DNAH12: variants seen among roughly 807,000 people sequenced by gnomAD.
DNAH12 encodes the protein dynein axonemal heavy chain 12.
A neutral mutation model predicts 371.5 loss-of-function variants in DNAH12; 285 were observed. The ratio of observed to expected loss-of-function variants is 0.77; its 90% CI spans 0.70 to 0.85. The LOEUF (loss-of-function observed/expected upper bound fraction) is 0.85. Among genes scored for constraint, DNAH12 ranks in the 40% least tolerant of loss-of-function variants. DNAH12 has a pLI of 0.00. For synonymous variants in DNAH12, 1,200 were observed against 1,213.0 expected, an observed-to-expected ratio of 0.99 and a Z score of 0.22; for missense variants, 3,611 against 3,689.4, an observed-to-expected ratio of 0.98 and a Z score of 0.55.
At position 57,472,558 on chromosome 3, in the gene DNAH12, A is replaced by G; in HGVS notation, c.1764T>C (p.Asp588=). Residue 588 remains aspartate, a synonymous_variant, in exon 14 of 74, where the codon GAT becomes GAC. Coordinates refer to ENST00000495027, the MANE Select transcript of DNAH12 (RefSeq NM_001366028.2). The part of the protein sequence containing the change: ...MWPRKINPIF[D]ENDELIENAK... ...AAAATATATTTACCTCATCATTTTCATCAAAGATGGGATTAATTTTCCTAG... is the reference window on the plus strand; with the variant it reads ...AAAATATATTTACCTCATCATTTTCGTCAAAGATGGGATTAATTTTCCTAG... 6.5e-7 allele frequency: 1 copy of G among 1,548,964 alleles called. No individual in the cohort carries two copies.
intron 11 of DNAH12, among the ~76,000 whole-genome samples, chr3:57,490,814 C>T (rs1186552716): frequency 6.6e-6 from 1 of 152,078 alleles, no homozygotes; most frequent in African/African-American, 2.4e-5. Context: ...ATAGGCCAGG[C>T]GTGGTGGCTC....
At position 57,405,849 on chromosome 3, in the gene DNAH12, A is replaced by G. The variant is rs781967427; in HGVS notation, c.6380T>C (p.Ile2127Thr). 3 of 1,551,724 alleles carry G rather than the reference A, an allele frequency of 1.9e-6. No individual in the cohort carries two copies. Among genetic ancestry groups the G allele is most frequent in the Admixed American group, 3.9e-5 (2 of 51,000 alleles). Residue 2127 changes from isoleucine (I) to threonine (T), a missense_variant, in exon 41 of 74, where the codon ATT becomes ACT. Around this residue, in one of 3 missense-constraint regions of DNAH12, gnomAD observed 2,266 missense variants for 2,236.9 expected, o/e 1.01. Transcript: ENST00000495027. Reference sequence around the variant, plus strand: ...TTTGTTCGCCACGGCGTCTCTTTCAATGAGTAAACAGCCCCGGATGACGCG... The same window carrying G: ...TTTGTTCGCCACGGCGTCTCTTTCAGTGAGTAAACAGCCCCGGATGACGCG... ...FSRVIRGCLL[I>T]ERDAVANKHT...
intron 25 of DNAH12, among the ~76,000 whole-genome samples, chr3:57,448,037 A>G (rs2153371416): frequency 6.6e-6 from 1 of 151,858 alleles, no homozygotes; most frequent in East Asian, 1.9e-4. Flanking sequence ...ATTGCTGAAA[A>G]CCTCGGGCTC....
At position 57,452,836 on chromosome 3, in the gene DNAH12, T is replaced by G; in HGVS notation, c.3786+7A>C. The G allele has an allele frequency of 6.5e-7, 1 of 1,531,576 alleles. No homozygotes were observed. The highest frequency in any genetic ancestry group is 8.8e-7 in the Non-Finnish European group (1 of 1,140,770). 94.9% of individuals were successfully genotyped at this position (1,531,576 alleles called of 1,614,324 possible). On this transcript the variant is annotated splice_region_variant and intron_variant, in intron 25 of 73. Transcript: ENST00000495027. ...AATGTGTGAATTAAGATAATTTAAA[T>G]GCATACCAATGTTCTGTAACACCTG... is the stretch of plus-strand genomic sequence containing the variant.
intron 69 of DNAH12, among the ~76,000 whole-genome samples, chr3:57,307,301 C>T (rs1429972092): frequency 1.3e-5 from 2 of 152,092 alleles, no homozygotes; most frequent in Admixed American, 1.3e-4. Flanking sequence ...CCCCATAGAT[C>T]CTAAATCCTT....
In DNAH12 at chr3:57,419,595, CTAT is replaced by C. The variant is rs1281046442; in HGVS notation, c.5563-80_5563-78del. On this transcript the variant is annotated intron_variant, in intron 36 of 73. Coordinates refer to ENST00000495027, the MANE Select transcript of DNAH12 (RefSeq NM_001366028.2). ...TGAAAGGCTCTTTTCAACATGTATA[CTAT>C]TATATTAGCTTTTAAAAACTTAAGT... 16 of 1,082,300 alleles carry C rather than the reference CTAT, an allele frequency of 1.5e-5. No homozygotes were observed. The Admixed American group carries it at 1.7e-4, about 11-fold the overall frequency. 67.0% of individuals were successfully genotyped at this position (1,082,300 alleles called of 1,614,324 possible).
intron 2 of DNAH12, among the ~76,000 whole-genome samples, chr3:57,535,033 A>G (rs2068981715): frequency 6.6e-6 from 1 of 152,192 alleles, no homozygotes; most frequent in Admixed American, 6.5e-5. Context: ...CATTCCTAAA[A>G]CATACACACT....
At chr3:57,348,475 C>T (rs2062596461) in intron 60 of DNAH12, among the ~76,000 whole-genome samples, 1 of 152,078 alleles carries the variant, frequency 6.6e-6, no homozygotes, top group Non-Finnish European at 1.5e-5. Flanking sequence ...AGAGTGAAGC[C>T]TGATGTTACC....
rs1054025379 is a variant in DNAH12 at position 57,305,415 on chromosome 3, T to C, written c.11190-3476A>G. ...GCCTCCGCTCCTCCACCCTATAATCTTTTTATCACCTCCCCTCCTCACACC... is the reference window on the plus strand; with the variant it reads ...GCCTCCGCTCCTCCACCCTATAATCCTTTTATCACCTCCCCTCCTCACACC... On this transcript the variant is annotated intron_variant, in intron 69 of 73. Coordinates refer to ENST00000495027, the MANE Select transcript of DNAH12 (RefSeq NM_001366028.2). Among the ~76,000 whole-genome samples the C allele has an allele frequency of 1.3e-4, 20 of 152,184 alleles. No homozygotes were observed. In the East Asian group the frequency reaches 3.7e-3, roughly 28 times the overall value.
chr3:57,529,895 T>C (rs915977882), intron 2 of DNAH12, among the ~76,000 whole-genome samples: 6 of 152,162 alleles, frequency 3.9e-5, no homozygotes, highest in Non-Finnish European at 5.9e-5. Context: ...CTTTTAGTAC[T>C]GCTTTCACTG....
chr3:57,413,586 A>G (rs1367380022), intron 39 of DNAH12, among the ~76,000 whole-genome samples, 160 bp downstream of exon 39: 1 of 152,160 alleles, frequency 6.6e-6, no homozygotes, highest in Non-Finnish European at 1.5e-5. Context: ...TTAATTTAAA[A>G]TAGTCTTTTC....
rs1453465971 is a variant in DNAH12 at position 57,457,800 on chromosome 3, C to T, written c.3257G>A (p.Gly1086Asp). 1.3e-6 allele frequency: 2 copies of T among 1,551,466 alleles called. No homozygotes were observed. The highest frequency in any genetic ancestry group is 2.4e-5 in the East Asian group (1 of 40,900). Residue 1086 changes from glycine to aspartate, a missense_variant, in exon 22 of 74, where the codon GGT becomes GAT. By Grantham distance (94) the Gly-to-Asp change is moderately conservative. Coordinates refer to ENST00000495027, the MANE Select transcript of DNAH12 (RefSeq NM_001366028.2). ...IALISTSAAR[G>D]AVEKWLIQVE... ...TTGAATGAGCCACTTTTCCACAGCACCCCGCGCTGCAGACGTGGAAATGAG... is the reference window on the plus strand; with the variant it reads ...TTGAATGAGCCACTTTTCCACAGCATCCCGCGCTGCAGACGTGGAAATGAG...
At chr3:57,536,134 C>G (rs2069034600) in intron 2 of DNAH12, 1 of 151,470 alleles carries the variant, frequency 6.6e-6, no homozygotes, top group South Asian at 2.1e-4. Context: ...CACGCCTGGC[C>G]TAAACCTCTA....
chr3:57,390,424 A>AAAAAATAT, intron 45 of DNAH12, among the ~76,000 whole-genome samples: 3 of 33,440 alleles, frequency 9.0e-5, no homozygotes, highest in African/African-American at 1.3e-4. Flanking sequence ...AAAAAAAAAA[A>AAAAAATAT]ATATATATAT....
intron 70 of DNAH12, 113 bp downstream of exon 70, chr3:57,301,622 C>CA: frequency 7.5e-7 from 1 of 1,340,446 alleles, no homozygotes; most frequent in Non-Finnish European, 1.0e-6. Context: ...CCAGTTAACC[C>CA]AAAAAATAAA....
At chr3:57,341,745 A>C (rs895838364) in intron 60 of DNAH12, among the ~76,000 whole-genome samples, 30 of 152,158 alleles carry the variant, frequency 2.0e-4, no homozygotes, top group African/African-American at 6.8e-4. Context: ...TGTTCTTCAC[A>C]GAAATAGAAA....
At position 57,521,063 on chromosome 3, in the gene DNAH12, C is replaced by CAAAAAAA. The variant is rs61570396; in HGVS notation, c.279+2513_279+2519dup. ...TGGGCGACAAAGTGAGACTCTGTCT[C>CAAAAAAA]AAAAAAAAAAAAAAAAAAAAAAAAA... On this transcript the variant is annotated intron_variant, in intron 4 of 73. Transcript: ENST00000495027. Among the ~76,000 whole-genome samples, 15 of 54,476 alleles carry CAAAAAAA rather than the reference C, an allele frequency of 2.8e-4. 2 individuals carry two copies. Among genetic ancestry groups the CAAAAAAA allele is most frequent in the African/African-American group, 1.9e-4 (4 of 21,326 alleles). The allele number at this position is 54,476 out of a possible 152,430, so 35.7% of individuals were successfully genotyped here. A position where few individuals can be genotyped will look rare whatever the true frequency, so the allele number is the denominator to read the frequency against.
rs375630936 is a variant in DNAH12 at position 57,310,660 on chromosome 3, A to G, written c.10896+57T>C. On this transcript the variant is annotated intron_variant, in intron 67 of 73. Transcript: ENST00000495027. ...ATACATTAGAGAAGAACATTTCACC[A>G]TTTGCTGTTAGAAAAATCACACATT... is the stretch of plus-strand genomic sequence containing the variant. 56 of 1,201,652 alleles carry G rather than the reference A, an allele frequency of 4.7e-5. No homozygotes were observed. In the African/African-American group the frequency reaches 7.5e-4, roughly 16 times the overall value. 74.4% of individuals were successfully genotyped at this position (1,201,652 alleles called of 1,614,324 possible).
chr3:57,504,220 C>A lies in DNAH12; in HGVS notation c.898-16G>T. The A allele has an allele frequency of 6.3e-7, 1 of 1,596,730 alleles. No individual in the cohort carries two copies. Among genetic ancestry groups the A allele is most frequent in the South Asian group, 1.1e-5 (1 of 89,180 alleles). On this transcript the variant is annotated splice_polypyrimidine_tract_variant and intron_variant, in intron 8 of 73. Coordinates refer to ENST00000495027, the MANE Select transcript of DNAH12 (RefSeq NM_001366028.2). ...GATCCTTTAGCTGCGTGATATAAAT[C>A]ACTGTTACTTTAGAGAGTACAAATT...
Sources: allele counts gnomAD v4.1 joint callset (sites outside exome capture counted in the v4.1 genomes callset), GRCh38; gene constraint gnomAD v4.1.1; regional missense constraint gnomAD v4.1.1; transcripts MANE v1.5; gene names NCBI Gene and HGNC (gene_info 2026-07-23, HGNC 2026-07-21).